Variants in ROBO2 observed in about 807,000 individuals in gnomAD.
ROBO2 encodes the protein roundabout homolog 2.
A neutral mutation model predicts 160.8 loss-of-function variants in ROBO2; 53 were observed. The ratio of observed to expected loss-of-function variants is 0.33; its 90% confidence interval spans 0.26 to 0.41. The LOEUF (loss-of-function observed/expected upper bound fraction) is 0.41, where lower values mean the gene tolerates loss of function less well. Among genes scored for constraint, ROBO2 ranks in the 10% least tolerant of loss-of-function variants. The probability of loss-of-function intolerance (pLI) is 1.00; values close to 1 mark genes in which losing one functional copy is unlikely to be tolerated. For synonymous variants in ROBO2, 664 were observed against 611.7 expected, an observed-to-expected ratio of 1.09 and a Z score of -1.26; for missense variants, 1,577 against 1,722.4, an observed-to-expected ratio of 0.92 and a Z score of 1.49.
intron 2 of ROBO2, among the ~76,000 whole-genome samples, chr3:76,041,195 C>G (rs1400172790): frequency 2.0e-5 from 3 of 152,018 alleles, no homozygotes; most frequent in Non-Finnish European, 4.4e-5. Flanking sequence ...TATCTGGTAA[C>G]TGAAGATACT....
At chr3:76,997,629 A>G (rs1159011628) in intron 2 of ROBO2, among the ~76,000 whole-genome samples, 1 of 152,246 alleles carries the variant, frequency 6.6e-6, no homozygotes, top group Non-Finnish European at 1.5e-5. Context: ...GTAAAAAGTA[A>G]GAGAAAGACC....
intron 1 of ROBO2, chr3:75,907,066 C>G (rs966484685): frequency 7.9e-5 from 12 of 152,388 alleles, no homozygotes; most frequent in African/African-American, 2.9e-4. Flanking sequence ...TTCCCAAATT[C>G]ACGGAAGGTC....
At chr3:77,633,980 A>G (rs2095219303) in intron 23 of ROBO2, 2 of 152,234 alleles carry the variant, frequency 1.3e-5, no homozygotes, top group South Asian at 4.1e-4. Flanking sequence ...AAGAAAATGT[A>G]ACTACATATA....
chr3:76,543,003 T>C (rs1335400679), intron 2 of ROBO2, among the ~76,000 whole-genome samples: 1 of 152,196 alleles, frequency 6.6e-6, no homozygotes. Context: ...TCTTCTCTTT[T>C]TGTCTTTCCC....
intron 2 of ROBO2, among the ~76,000 whole-genome samples, chr3:75,943,738 G>A (rs1346323340): frequency 6.6e-6 from 1 of 152,020 alleles, no homozygotes; most frequent in Non-Finnish European, 1.5e-5. Flanking sequence ...GTCTTGCTCT[G>A]TTGCCCAGGC....
chr3:76,709,356 A>G (rs2093240098), intron 2 of ROBO2, among the ~76,000 whole-genome samples: 1 of 152,292 alleles, frequency 6.6e-6, no homozygotes, highest in Non-Finnish European at 1.5e-5. Flanking sequence ...TTGCCACCTC[A>G]TTGTTCTTAC....
intron 2 of ROBO2, among the ~76,000 whole-genome samples, chr3:77,123,932 A>G (rs996870023): frequency 6.7e-6 from 1 of 149,048 alleles, no homozygotes; most frequent in African/African-American, 2.4e-5. Flanking sequence ...ATCTATATAG[A>G]TACACTTGTA....
chr3:77,310,284 A>T (rs1472758266), intron 2 of ROBO2, among the ~76,000 whole-genome samples: 2 of 152,176 alleles, frequency 1.3e-5, no homozygotes, highest in African/African-American at 4.8e-5. Context: ...ATCTAAAAAA[A>T]AGTTTTGGGT....
intron 2 of ROBO2, among the ~76,000 whole-genome samples, chr3:75,988,667 T>G (rs1434371743): frequency 1.3e-5 from 2 of 152,030 alleles, no homozygotes; most frequent in Non-Finnish European, 2.9e-5. Context: ...GTCCCATAAT[T>G]TTTGTTTTGT....
intron 2 of ROBO2, among the ~76,000 whole-genome samples, chr3:76,237,965 G>A (rs749525345): frequency 6.6e-6 from 1 of 152,150 alleles, no homozygotes; most frequent in African/African-American, 2.4e-5. Context: ...GGGGACCTGG[G>A]CTATGTGGAG....
intron 1 of ROBO2, among the ~76,000 whole-genome samples, chr3:75,928,174 C>T (rs1279572461): frequency 3.3e-5 from 5 of 150,512 alleles, no homozygotes; most frequent in South Asian, 2.1e-4. Context: ...TTAGTAGAGA[C>T]AGGGTTTCAC....
At chr3:76,486,375 G>A (rs933438963) in intron 2 of ROBO2, among the ~76,000 whole-genome samples, 1 of 152,128 alleles carries the variant, frequency 6.6e-6, no homozygotes, top group African/African-American at 2.4e-5. Flanking sequence ...ATGCTCGGTG[G>A]TTACGCAGAG....
At chr3:76,114,859 A>G (rs142976806) in intron 2 of ROBO2, among the ~76,000 whole-genome samples, 87 of 152,252 alleles carry the variant, frequency 5.7e-4, no homozygotes, top group African/African-American at 2.0e-3. Context: ...TTTAATGGTA[A>G]AAAGTGCAAT....
At chr3:77,057,397 A>T (rs1346232999) in intron 1 of ROBO2, among the ~76,000 whole-genome samples, 1 of 152,052 alleles carries the variant, frequency 6.6e-6, no homozygotes, top group Non-Finnish European at 1.5e-5. Flanking sequence ...CCAACATGGC[A>T]CATGTACACA....
intron 2 of ROBO2, among the ~76,000 whole-genome samples, chr3:76,712,064 T>G (rs1408000159): frequency 6.6e-6 from 1 of 152,140 alleles, no homozygotes; most frequent in Non-Finnish European, 1.5e-5. Context: ...GGAAAAAGAG[T>G]AGGCTTGCAT....
intron 2 of ROBO2, among the ~76,000 whole-genome samples, chr3:77,406,112 G>A (rs2076231785): frequency 6.6e-6 from 1 of 152,110 alleles, no homozygotes; most frequent in African/African-American, 2.4e-5. Flanking sequence ...AAGGTGAAGG[G>A]AAAGCAAGGC....
chr3:76,012,073 A>G (rs1010548884), intron 2 of ROBO2, among the ~76,000 whole-genome samples: 2 of 152,352 alleles, frequency 1.3e-5, no homozygotes, highest in Non-Finnish European at 2.9e-5. Flanking sequence ...CAAACAAGAA[A>G]TGTGAATTCT....
chr3:76,046,953 C>T (rs1003414151), intron 2 of ROBO2, among the ~76,000 whole-genome samples: 3 of 152,176 alleles, frequency 2.0e-5, no homozygotes, highest in African/African-American at 4.8e-5. Flanking sequence ...ACATTTCTGA[C>T]ACCATCTTGC....
At chr3:77,197,309 C>T (rs188573283) in intron 2 of ROBO2, among the ~76,000 whole-genome samples, 67 of 152,250 alleles carry the variant, frequency 4.4e-4, no homozygotes, top group Non-Finnish European at 7.2e-4. Context: ...TGGAAAGCTT[C>T]ATTAATGAGC....
Sources: gnomAD v4.1 joint callset for allele counts (sites outside exome capture counted in the v4.1 genomes callset) on GRCh38, gnomAD v4.1.1 for gene constraint, MANE v1.5 for transcripts, NCBI Gene and HGNC (gene_info 2026-07-23, HGNC 2026-07-21) for gene names.